The following CMTM7 variants were observed in gnomAD, a reference collection of about 807,000 sequenced individuals.
The protein encoded by CMTM7 is CKLF like MARVEL transmembrane domain containing 7.
In CMTM7, 7 loss-of-function variants were observed where a neutral mutation model predicts 19.3. The ratio of observed to expected loss-of-function variants is 0.36; its 90% CI spans 0.21 to 0.68. The LOEUF is 0.68. Among genes scored for constraint, CMTM7 ranks in the 30% least tolerant of loss-of-function variants. The probability of loss-of-function intolerance (pLI) is 0.60; values close to 1 mark genes in which losing one functional copy is unlikely to be tolerated. For synonymous variants in CMTM7, 87 were observed against 99.3 expected, an observed-to-expected ratio of 0.88 and a Z score of 0.74; for missense variants, 193 against 232.6, an observed-to-expected ratio of 0.83 and a Z score of 1.11.
intron 1 of CMTM7, among the ~76,000 whole-genome samples, chr3:32,423,166 G>GA (rs1696370445): frequency 1.3e-5 from 2 of 152,156 alleles, no homozygotes; most frequent in African/African-American, 4.8e-5. Context: ...TAACTGCAGT[G>GA]ACAGCACTGT....
intron 1 of CMTM7, among the ~76,000 whole-genome samples, chr3:32,398,317 G>A (rs745395004): frequency 3.3e-5 from 5 of 152,312 alleles, no homozygotes; most frequent in Admixed American, 1.3e-4. Flanking sequence ...AACATGGACA[G>A]AGAATCAGAA....
chr3:32,451,945 A>G (rs1696838703), intron 3 of CMTM7: 3 of 604,484 alleles, frequency 5.0e-6, no homozygotes, highest in East Asian at 1.3e-4. Context: ...TGAAGCCAGA[A>G]TGGAACAGAA....
intron 1 of CMTM7, among the ~76,000 whole-genome samples, chr3:32,423,424 CTTA>C (rs1296149620): frequency 2.0e-5 from 3 of 152,246 alleles, no homozygotes; most frequent in African/African-American, 7.2e-5. Flanking sequence ...GTAAATGATT[CTTA>C]TAAGCTGCTC....
intron 1 of CMTM7, among the ~76,000 whole-genome samples, chr3:32,422,294 A>G (rs777167200): frequency 2.3e-4 from 35 of 152,140 alleles, no homozygotes; most frequent in Admixed American, 3.9e-4. Context: ...TGGGGTTTTA[A>G]TCAAGGCGGC....
chr3:32,416,119 C>G (rs1282587293), intron 1 of CMTM7, among the ~76,000 whole-genome samples: 1 of 152,176 alleles, frequency 6.6e-6, no homozygotes, highest in Non-Finnish European at 1.5e-5. Context: ...TCTCAGTTTT[C>G]TCTTGTGAAG....
chr3:32,442,529 A>G lies in CMTM7; in HGVS notation c.333+516A>G, dbSNP rs1014288319. Among the ~76,000 whole-genome samples, 11 of 140,864 alleles carry G rather than the reference A, an allele frequency of 7.8e-5. No individual in the cohort carries two copies. In the East Asian group the frequency reaches 1.9e-3, roughly 24 times the overall value. The allele number at this position is 140,864 out of a possible 152,430, so 92.4% of individuals were successfully genotyped here. A position where few individuals can be genotyped will look rare whatever the true frequency, so the allele number is the denominator to read the frequency against. ...AAAAAAAAAAAAAAAAAAAAAAAAG[A>G]AGAAGGCTGTGGCTATTGCCCCATG... On this transcript the variant is annotated intron_variant, in intron 2 of 4. Transcript: ENST00000334983.
At chr3:32,442,525 A>AAAG (rs1375200151) in intron 2 of CMTM7, among the ~76,000 whole-genome samples, 8 of 144,284 alleles carry the variant, frequency 5.5e-5, no homozygotes, top group African/African-American at 2.1e-4. Context: ...AAAAAAAAAA[A>AAAG]AAGAAGAAGG....
rs200156694 is a variant in CMTM7 at position 32,449,417 on chromosome 3, G to A, written c.334-37G>A. On this transcript the variant is annotated intron_variant, in intron 2 of 4. Transcript: ENST00000334983. This position sits in a 1 kb window ranked among gnomAD's most constrained non-coding sequence, Gnocchi z 4.5. The stretch of plus-strand genomic sequence containing the variant: ...TGCTCTTCCCGGACCAGAAATGGAC[G>A]GCCCTACCCACTTATTTGCTTTGTT... 2.6e-4 allele frequency: 375 copies of A among 1,416,268 alleles called. No homozygotes were observed. The highest frequency in any genetic ancestry group is 7.0e-4 in the East Asian group (31 of 44,008). The allele number at this position is 1,416,268 out of a possible 1,614,324, so 87.7% of individuals were successfully genotyped here. A position where few individuals can be genotyped will look rare whatever the true frequency, so the allele number is the denominator to read the frequency against.
chr3:32,441,953 T>G lies in CMTM7; in HGVS notation c.273T>G (p.Phe91Leu), dbSNP rs1485731595. 6.2e-7 allele frequency: 1 copy of G among 1,614,096 alleles called. No homozygotes were observed. Among genetic ancestry groups the G allele is most frequent in the Non-Finnish European group, 8.5e-7 (1 of 1,180,052 alleles). ...TICDLIMILA[F>L]YLVHLFRFYR... ...GCGACTTGATAATGATCCTCGCCTTTTACCTGGTCCACCTCTTCCGCTTCT... is the reference window on the plus strand; with the variant it reads ...GCGACTTGATAATGATCCTCGCCTTGTACCTGGTCCACCTCTTCCGCTTCT... The change falls in exon 2 of 5, where the codon TTT (phenylalanine) becomes TTG (leucine). Residue 91 changes from phenylalanine (F) to leucine (L), a missense_variant. Physicochemically the swap from Phe to Leu is conservative, Grantham distance 22. Coordinates refer to ENST00000334983, the MANE Select transcript of CMTM7 (RefSeq NM_138410.4).
At chr3:32,436,088 C>T (rs1696592786) in intron 1 of CMTM7, among the ~76,000 whole-genome samples, 2 of 152,204 alleles carry the variant, frequency 1.3e-5, no homozygotes, top group South Asian at 4.1e-4. Context: ...CATTGAGCTG[C>T]CCAAGGCCTG....
intron 1 of CMTM7, among the ~76,000 whole-genome samples, chr3:32,407,767 G>T (rs1379853695): frequency 1.3e-5 from 2 of 152,116 alleles, no homozygotes; most frequent in East Asian, 3.8e-4. Flanking sequence ...GCCTGATGGG[G>T]GTCTGCGTGC....
intron 4 of CMTM7, among the ~76,000 whole-genome samples, chr3:32,453,282 A>G (rs576823388): frequency 6.6e-6 from 1 of 152,264 alleles, no homozygotes; most frequent in South Asian, 2.1e-4. Flanking sequence ...CTCTTAAAAA[A>G]TAAAATAAAA....
At chr3:32,416,095 G>A (rs1057311947) in intron 1 of CMTM7, among the ~76,000 whole-genome samples, 3 of 152,174 alleles carry the variant, frequency 2.0e-5, no homozygotes, top group African/African-American at 4.8e-5. Flanking sequence ...GGTAAATCAC[G>A]TCCCTTCTCT....
chr3:32,393,917 G>A (rs1269663584), intron 1 of CMTM7, among the ~76,000 whole-genome samples: 1 of 152,182 alleles, frequency 6.6e-6, no homozygotes, highest in African/African-American at 2.4e-5. Context: ...CTGGCCTGTG[G>A]TCCTTGGGCC....
At chr3:32,419,278 G>A (rs1696309574) in intron 1 of CMTM7, among the ~76,000 whole-genome samples, 1 of 152,168 alleles carries the variant, frequency 6.6e-6, no homozygotes, top group African/African-American at 2.4e-5. Flanking sequence ...GTTCTAAGGA[G>A]GTTTTTAGTA....
chr3:32,402,616 G>A (rs1463291223), intron 1 of CMTM7, among the ~76,000 whole-genome samples: 1 of 152,164 alleles, frequency 6.6e-6, no homozygotes, highest in Non-Finnish European at 1.5e-5. Context: ...AGGCTGGAGT[G>A]CAGTGGCATG....
At chr3:32,424,760 C>T (rs1283142305) in intron 1 of CMTM7, among the ~76,000 whole-genome samples, 1 of 152,070 alleles carries the variant, frequency 6.6e-6, no homozygotes, top group Non-Finnish European at 1.5e-5. Context: ...ATCCTCCCAG[C>T]CTCGGCCTTC....
intron 1 of CMTM7, among the ~76,000 whole-genome samples, chr3:32,434,472 A>AT (rs199671131): frequency 0.041 from 6,093 of 148,310 alleles, 180 homozygotes; most frequent in Middle Eastern, 0.066. Flanking sequence ...AATTTTAAAA[A>AT]TTTTTTTTTT....
At chr3:32,415,224 G>C (rs1304523301) in intron 1 of CMTM7, among the ~76,000 whole-genome samples, 2 of 150,118 alleles carry the variant, frequency 1.3e-5, no homozygotes, top group African/African-American at 2.4e-5. Flanking sequence ...AATAAACTTT[G>C]GCTGAGGGGC....
Sources: allele counts gnomAD v4.1 joint callset (sites outside exome capture counted in the v4.1 genomes callset), GRCh38; gene constraint gnomAD v4.1.1; non-coding constraint Gnocchi (gnomAD v3.1); transcripts MANE v1.5; gene names NCBI Gene and HGNC (gene_info 2026-07-23, HGNC 2026-07-21).